Variants in PTPRD observed in about 807,000 individuals in gnomAD.
The protein encoded by PTPRD is receptor-type tyrosine-protein phosphatase delta.
Under a neutral mutation model 214.5 loss-of-function variants are expected in PTPRD, and 34 were observed. The observed-to-expected ratio is 0.16, with a 90% CI of 0.12 to 0.21. The LOEUF is 0.21. Among genes scored for constraint, PTPRD ranks in the 10% least tolerant of loss-of-function variants. PTPRD has a pLI of 1.00. For synonymous variants in PTPRD, 1,128 were observed against 845.7 expected (o/e 1.33, Z -5.79); for missense variants, 2,545 against 2,398.7 (o/e 1.06, Z -1.27).
Position 9,806,475 on chromosome 9 carries a change from C to G in PTPRD, c.-367-39624G>C, listed in dbSNP as rs1180870278. On this transcript the variant is annotated intron_variant, in intron 5 of 45. Coordinates refer to ENST00000381196, the MANE Select transcript of PTPRD (RefSeq NM_002839.4). ...TCTTGTGACAATACACCCTCCCCGC[C>G]CTTGTGAATGTACTTTGTAACATTC... 3.9e-5 allele frequency among the ~76,000 whole-genome samples: 6 copies of G among 152,112 alleles called. 1 individual carries two copies. The highest frequency in any genetic ancestry group is 7.4e-5 in the Non-Finnish European group (5 of 68,010).
intron 33 of PTPRD, among the ~76,000 whole-genome samples, chr9:8,450,936 G>T (rs1454198224): frequency 1.3e-5 from 2 of 151,884 alleles, no homozygotes; most frequent in Admixed American, 6.6e-5. Flanking sequence ...TTTTTACTGT[G>T]GGGGGGAAAA....
chr9:9,594,675 T>C (rs2093103577), intron 7 of PTPRD, among the ~76,000 whole-genome samples: 1 of 152,122 alleles, frequency 6.6e-6, no homozygotes, highest in African/African-American at 2.4e-5. Flanking sequence ...ACTATGGCCT[T>C]ATAGTATAGT....
chr9:8,705,554 C>T (rs2098187887), intron 12 of PTPRD, among the ~76,000 whole-genome samples: 1 of 152,140 alleles, frequency 6.6e-6, no homozygotes, highest in Admixed American at 6.5e-5. Context: ...CATTTCTAAA[C>T]CAACATTTCC....
At chr9:8,868,123 AC>A (rs1434657567) in intron 11 of PTPRD, among the ~76,000 whole-genome samples, 9 of 152,126 alleles carry the variant, frequency 5.9e-5, no homozygotes, top group Admixed American at 5.9e-4. Flanking sequence ...ACCTTTTAAA[AC>A]ATATGTGCCC....
chr9:9,498,718 G>C (rs554638097), intron 8 of PTPRD, among the ~76,000 whole-genome samples: 9 of 152,134 alleles, frequency 5.9e-5, no homozygotes, highest in African/African-American at 1.9e-4. Flanking sequence ...CCACTGACTT[G>C]AGAAATAAAA....
intron 7 of PTPRD, among the ~76,000 whole-genome samples, chr9:9,712,815 A>C (rs1416180143): frequency 6.6e-6 from 1 of 152,208 alleles, no homozygotes; most frequent in Non-Finnish European, 1.5e-5. Flanking sequence ...TTTATTATCT[A>C]GCATAGCTTT....
intron 10 of PTPRD, among the ~76,000 whole-genome samples, chr9:9,099,830 C>T (rs1280469206): frequency 6.6e-6 from 1 of 152,078 alleles, no homozygotes; most frequent in African/African-American, 2.4e-5. Context: ...CAGCTGAGAT[C>T]AAACTCATTG....
intron 9 of PTPRD, among the ~76,000 whole-genome samples, chr9:9,212,963 G>A (rs187575287): frequency 3.8e-4 from 58 of 152,268 alleles, no homozygotes; most frequent in Admixed American, 3.4e-3. Context: ...AGTTCTCTAA[G>A]ATTCTATAGA....
chr9:8,674,753 G>GA (rs2097366061), intron 12 of PTPRD, among the ~76,000 whole-genome samples: 1 of 152,128 alleles, frequency 6.6e-6, no homozygotes, highest in East Asian at 1.9e-4. Flanking sequence ...ATTCAGAGAG[G>GA]AAAAAAATGC....
chr9:10,513,609 T>C (rs1045886403), intron 2 of PTPRD, among the ~76,000 whole-genome samples: 2 of 152,154 alleles, frequency 1.3e-5, no homozygotes, highest in Admixed American at 1.3e-4. Context: ...TTCATCTCCT[T>C]TGAAGTTGGG....
At position 8,633,439 on chromosome 9, in the gene PTPRD, C is replaced by G. The variant is rs2096316720; in HGVS notation, c.230G>C (p.Gly77Ala). 1.2e-6 allele frequency: 2 copies of G among 1,612,256 alleles called. No homozygotes were observed. Among genetic ancestry groups the G allele is most frequent in the South Asian group, 1.1e-5 (1 of 90,916 alleles). ...TTGTATTCTGAGAACTGATCCAGACCCATCGTCAAACTCTATTACCTATTA... is the reference window on the plus strand; with the variant it reads ...TTGTATTCTGAGAACTGATCCAGACGCATCGTCAAACTCTATTACCTATTA... The part of the protein sequence containing the change: ...QRFEVIEFDD[G>A]SGSVLRIQPL... Residue 77 changes from glycine (G) to alanine (A), a missense_variant, in exon 14 of 46, where the codon GGG becomes GCG. Gly to Ala is a moderately conservative substitution (Grantham distance 60, BLOSUM62 0). Coordinates refer to ENST00000381196, the MANE Select transcript of PTPRD (RefSeq NM_002839.4).
intron 27 of PTPRD, among the ~76,000 whole-genome samples, chr9:8,492,369 G>T (rs139320253): frequency 6.6e-6 from 1 of 152,036 alleles, no homozygotes; most frequent in African/African-American, 2.4e-5. Context: ...TTTGAGTCTC[G>T]ACTTAAATAA....
intron 8 of PTPRD, among the ~76,000 whole-genome samples, chr9:9,474,100 T>C (rs2094836768): frequency 6.6e-6 from 1 of 152,070 alleles, no homozygotes; most frequent in African/African-American, 2.4e-5. Flanking sequence ...TGGGTCTTAG[T>C]TTAAGTCTTT....
chr9:10,313,217 G>A (rs761494920), intron 3 of PTPRD, among the ~76,000 whole-genome samples: 1 of 151,828 alleles, frequency 6.6e-6, no homozygotes, highest in Non-Finnish European at 1.5e-5. Context: ...AAACCATCCC[G>A]ATAATTCCTG....
chr9:8,508,873 ATATGTGTGTGTGTGTGTC>A (rs996623513), intron 21 of PTPRD, among the ~76,000 whole-genome samples: 5 of 96,434 alleles, frequency 5.2e-5, no homozygotes, highest in African/African-American at 4.7e-5. Flanking sequence ...CTGTGTATAT[ATATGTGTGTGTGTGTGTC>A]TGTGTGTGTG....
At chr9:9,576,465 T>G (rs777550565) in intron 7 of PTPRD, among the ~76,000 whole-genome samples, 1 of 151,048 alleles carries the variant, frequency 6.6e-6, no homozygotes, top group East Asian at 1.9e-4. Context: ...ATAGAGATGA[T>G]TTCAGGAGAT....
chr9:8,666,929 T>C lies in PTPRD; in HGVS notation c.65-30085A>G, dbSNP rs377043932. 3.4e-4 allele frequency among the ~76,000 whole-genome samples: 52 copies of C among 151,934 alleles called. No individual in the cohort carries two copies. The East Asian group carries it at 3.7e-3, about 11-fold the overall frequency. ...GCACAAGCATTGTGTCTTGTGTACATACATTATCTCTAACAAGACACAAGC... is the reference window on the plus strand; with the variant it reads ...GCACAAGCATTGTGTCTTGTGTACACACATTATCTCTAACAAGACACAAGC... On this transcript the variant is annotated intron_variant, in intron 12 of 45. Transcript: ENST00000381196.
chr9:10,047,195 G>A (rs967865738), intron 3 of PTPRD, among the ~76,000 whole-genome samples: 1 of 151,762 alleles, frequency 6.6e-6, no homozygotes, highest in Non-Finnish European at 1.5e-5. Flanking sequence ...TGAAGGAGTG[G>A]CACTGGTGTG....
intron 11 of PTPRD, among the ~76,000 whole-genome samples, chr9:9,003,084 C>G (rs928315810): frequency 1.3e-5 from 2 of 152,036 alleles, no homozygotes; most frequent in Non-Finnish European, 2.9e-5. Flanking sequence ...ATCATCGCCC[C>G]TTTCAGAATA....
Sources: gnomAD v4.1 joint callset for allele counts (sites outside exome capture counted in the v4.1 genomes callset) on GRCh38, gnomAD v4.1.1 for gene constraint, MANE v1.5 for transcripts, NCBI Gene and HGNC (gene_info 2026-07-23, HGNC 2026-07-21) for gene names.